SLCO5A1: variants seen among roughly 807,000 people sequenced by gnomAD.
SLCO5A1 encodes the protein solute carrier organic anion transporter family member 5A1.
A neutral mutation model predicts 65.1 loss-of-function variants in SLCO5A1; 39 were observed. The ratio of observed to expected loss-of-function variants is 0.60; its 90% CI spans 0.46 to 0.78. The LOEUF is 0.78. SLCO5A1 is among the 30% of genes least tolerant of loss of function. The pLI, the probability that SLCO5A1 is intolerant of heterozygous loss-of-function variation, is 0.00. For synonymous variants in SLCO5A1, 438 were observed against 415.7 expected (o/e 1.05, Z -0.65); for missense variants, 1,029 against 1,069.4 (o/e 0.96, Z 0.53).
intron 2 of SLCO5A1, among the ~76,000 whole-genome samples, chr8:69,795,125 C>T (rs1268535900): frequency 6.6e-6 from 1 of 152,150 alleles, no homozygotes; most frequent in Admixed American, 6.6e-5. Context: ...GGCGAGGACA[C>T]AAATCCAAGC....
intron 6 of SLCO5A1, among the ~76,000 whole-genome samples, chr8:69,685,539 TGTAA>T (rs1813966734): frequency 1.3e-5 from 2 of 152,210 alleles, no homozygotes; most frequent in Non-Finnish European, 2.9e-5. Flanking sequence ...CAAGAATCAA[TGTAA>T]GTGTTAATTT....
At chr8:69,708,314 T>C (rs1815065351) in intron 5 of SLCO5A1, among the ~76,000 whole-genome samples, 1 of 152,228 alleles carries the variant, frequency 6.6e-6, no homozygotes, top group Non-Finnish European at 1.5e-5. Flanking sequence ...TGGAGATGTC[T>C]TCCTTTTACC....
intron 4 of SLCO5A1, among the ~76,000 whole-genome samples, chr8:69,750,032 T>C (rs1440622374): frequency 6.6e-6 from 1 of 152,174 alleles, no homozygotes; most frequent in Admixed American, 6.5e-5. Context: ...TCTGGCACGT[T>C]TGAGGACCAA....
chr8:69,724,284 GAAT>G (rs1815964190), intron 5 of SLCO5A1, among the ~76,000 whole-genome samples: 1 of 152,092 alleles, frequency 6.6e-6, no homozygotes. Context: ...ATGTATCACT[GAAT>G]AATAATATCA....
intron 5 of SLCO5A1, among the ~76,000 whole-genome samples, chr8:69,716,729 A>G (rs1272914149): frequency 6.6e-6 from 1 of 150,548 alleles, no homozygotes; most frequent in Non-Finnish European, 1.5e-5. Flanking sequence ...TAACTGCCTT[A>G]GCAGATATAT....
intron 2 of SLCO5A1, among the ~76,000 whole-genome samples, chr8:69,805,603 C>T (rs1473324993): frequency 2.6e-5 from 4 of 152,200 alleles, no homozygotes; most frequent in Non-Finnish European, 5.9e-5. Flanking sequence ...GAATTCCAAA[C>T]ATTTTTCCTG....
intron 3 of SLCO5A1, among the ~76,000 whole-genome samples, chr8:69,757,048 A>C (rs1187375781): frequency 6.6e-6 from 1 of 152,172 alleles, no homozygotes; most frequent in South Asian, 2.1e-4. Flanking sequence ...GATCCATTGC[A>C]AAGTGAAAAT....
At chr8:69,683,154 A>G (rs1813854324) in intron 6 of SLCO5A1, among the ~76,000 whole-genome samples, 1 of 152,210 alleles carries the variant, frequency 6.6e-6, no homozygotes, top group South Asian at 2.1e-4. Flanking sequence ...GAGTGTAAAC[A>G]AACAGCGGTG....
At chr8:69,803,650 C>A (rs537988033) in intron 2 of SLCO5A1, among the ~76,000 whole-genome samples, 5 of 152,280 alleles carry the variant, frequency 3.3e-5, no homozygotes, top group African/African-American at 9.6e-5. Context: ...GGGTGGAGCC[C>A]AGCAATCTGG....
At chr8:69,818,420 A>G (rs1183627427) in intron 2 of SLCO5A1, among the ~76,000 whole-genome samples, 1 of 152,246 alleles carries the variant, frequency 6.6e-6, no homozygotes, top group Non-Finnish European at 1.5e-5. Flanking sequence ...CCAGGTTTAT[A>G]GAAACAGAAT....
chr8:69,802,357 T>A (rs1819778633), intron 2 of SLCO5A1, among the ~76,000 whole-genome samples: 1 of 151,658 alleles, frequency 6.6e-6, no homozygotes, highest in Non-Finnish European at 1.5e-5. Flanking sequence ...ATGAACCGAA[T>A]TAGCCAGGCG....
intron 2 of SLCO5A1, chr8:69,794,356 C>A (rs1819396354): frequency 7.0e-6 from 3 of 429,882 alleles, no homozygotes; most frequent in Non-Finnish European, 1.4e-5. Context: ...TTCATCATAA[C>A]TGCTCTCCTA....
intron 7 of SLCO5A1, among the ~76,000 whole-genome samples, chr8:69,680,656 G>C (rs62512222): frequency 0.11 from 17,311 of 152,244 alleles, 1,236 homozygotes; most frequent in Non-Finnish European, 0.17. Flanking sequence ...ACACAGGAAT[G>C]AGATTGCTGG....
intron 7 of SLCO5A1, 27 bp from the exon 8 acceptor site, chr8:69,679,646 G>C (rs775917841): frequency 8.7e-6 from 14 of 1,607,132 alleles, no homozygotes; most frequent in Non-Finnish European, 1.2e-5. Context: ...AAGATGAGTT[G>C]TGTGCCCCTC....
chr8:69,695,551 T>G (rs1814462240), intron 6 of SLCO5A1, among the ~76,000 whole-genome samples: 3 of 151,294 alleles, frequency 2.0e-5, no homozygotes, highest in Admixed American at 6.6e-5. Context: ...GACATTGACT[T>G]CTCTCTTTTT....
At chr8:69,785,097 G>A (rs991522228) in intron 2 of SLCO5A1, among the ~76,000 whole-genome samples, 3 of 150,152 alleles carry the variant, frequency 2.0e-5, no homozygotes, top group Admixed American at 6.7e-5. Flanking sequence ...AGGGAAGGAC[G>A]GAGAGAGAGA....
intron 2 of SLCO5A1, among the ~76,000 whole-genome samples, chr8:69,825,695 C>T (rs1036347992): frequency 6.6e-6 from 1 of 152,048 alleles, no homozygotes; most frequent in African/African-American, 2.4e-5. Flanking sequence ...GTGAAAATGG[C>T]CATACTGCCC....
intron 2 of SLCO5A1, among the ~76,000 whole-genome samples, chr8:69,813,731 G>A (rs541445302): frequency 6.6e-5 from 10 of 152,176 alleles, no homozygotes; most frequent in African/African-American, 1.7e-4. Context: ...ACATCAAGTC[G>A]GACTGAACAA....
intron 4 of SLCO5A1, among the ~76,000 whole-genome samples, chr8:69,738,773 T>C (rs1343767): frequency 0.52 from 78,762 of 151,948 alleles, 20,905 homozygotes; most frequent in South Asian, 0.65. Flanking sequence ...CTGAGGTGCT[T>C]GAATTGGGGA....
Sources: allele counts gnomAD v4.1 joint callset (sites outside exome capture counted in the v4.1 genomes callset), GRCh38; gene constraint gnomAD v4.1.1; transcripts MANE v1.5; gene names NCBI Gene and HGNC (gene_info 2026-07-23, HGNC 2026-07-21).